The following STK33 variants were observed in gnomAD, a reference collection of about 807,000 sequenced individuals.
The protein encoded by STK33 is serine/threonine-protein kinase 33.
In STK33, 52 loss-of-function variants were observed where a neutral mutation model predicts 58.0. That is an observed-to-expected ratio of 0.90 (90% CI 0.72 to 1.13). STK33 has a LOEUF of 1.13. Among genes scored for constraint, STK33 ranks in the 50% most tolerant of loss-of-function variants. STK33 has a pLI of 0.00. For missense variants in STK33, 630 were observed against 604.2 expected (o/e 1.04, Z -0.45); for synonymous variants, 215 against 200.1 (o/e 1.07, Z -0.63).
chr11:8,513,707 A>G (rs1952525834), intron 1 of STK33, among the ~76,000 whole-genome samples: 1 of 152,110 alleles, frequency 6.6e-6, no homozygotes, highest in Non-Finnish European at 1.5e-5. Context: ...GTAGGTGTAT[A>G]TATTTATGGG....
At chr11:8,356,639 T>C in the STK33 span, among the ~76,000 whole-genome samples, 1 of 152,086 alleles carries the variant, frequency 6.6e-6, no homozygotes, top group Non-Finnish European at 1.5e-5. Flanking sequence ...ATCAGGGACA[T>C]GCCTGGGAGG....
intron 14 of STK33, among the ~76,000 whole-genome samples, chr11:8,418,885 T>C (rs570273923): frequency 3.3e-5 from 5 of 152,296 alleles, no homozygotes; most frequent in African/African-American, 4.8e-5. Context: ...GCTGCATATA[T>C]GCCCCATCTT....
At chr11:8,489,288 G>C (rs865880347) in intron 1 of STK33, among the ~76,000 whole-genome samples, 28 of 127,854 alleles carry the variant, frequency 2.2e-4, no homozygotes, top group African/African-American at 7.3e-4. Context: ...AAAAAAGAAA[G>C]AAAAGAAAAG....
At chr11:8,573,942 T>C (rs9300094) in intron 1 of STK33, among the ~76,000 whole-genome samples, 60,964 of 151,800 alleles carry the variant, frequency 0.4, 12,511 homozygotes, top group South Asian at 0.57. Flanking sequence ...AAGGAAGGAG[T>C]AGACAAGGGA....
intron 14 of STK33, among the ~76,000 whole-genome samples, chr11:8,420,812 C>G (rs1590913291): frequency 6.6e-6 from 1 of 152,168 alleles, no homozygotes; most frequent in East Asian, 1.9e-4. Flanking sequence ...GCCTGGGCAA[C>G]ATAGGGATAC....
At chr11:8,389,176 C>CA (rs1848584858), downstream of STK33, among the ~76,000 whole-genome samples, 1 of 152,252 alleles carries the variant, frequency 6.6e-6, no homozygotes, top group African/African-American at 2.4e-5. Context: ...GTAGCCAGGG[C>CA]AACAGGCTGG....
chr11:8,521,518 A>T lies in STK33; in HGVS notation c.-465-40904T>A, dbSNP rs1953434202. Among the ~76,000 whole-genome samples, 4 of 152,350 alleles carry T rather than the reference A, an allele frequency of 2.6e-5. No individual in the cohort carries two copies. The South Asian group carries it at 8.3e-4, about 32-fold the overall frequency. ...TTAAATGTTAGACCTAAAACCATAA[A>T]AACCCTAGAAGAAAACCTAGCCAAT... On this transcript the variant is annotated intron_variant, in intron 1 of 15. Coordinates refer to ENST00000687296, the MANE Select transcript of STK33 (RefSeq NM_001352389.2).
intron 11 of STK33, among the ~76,000 whole-genome samples, chr11:8,451,609 A>C (rs1467231197): frequency 6.6e-6 from 1 of 152,238 alleles, no homozygotes; most frequent in Non-Finnish European, 1.5e-5. Flanking sequence ...TGGGATAGGA[A>C]TAAGATTGAG....
chr11:8,439,869 T>TATATATATATATA (rs1554930119), intron 12 of STK33, among the ~76,000 whole-genome samples: 3 of 107,258 alleles, frequency 2.8e-5, no homozygotes, highest in South Asian at 7.2e-4. Flanking sequence ...TATATTATAA[T>TATATATATATATA]TATATATATA....
chr11:8,491,508 G>T (rs1950608363), intron 1 of STK33, among the ~76,000 whole-genome samples: 1 of 152,136 alleles, frequency 6.6e-6, no homozygotes, highest in Non-Finnish European at 1.5e-5. Flanking sequence ...GAACCAAGTT[G>T]GAAAACACTC....
the STK33 span, among the ~76,000 whole-genome samples, chr11:8,353,226 C>T: frequency 6.6e-6 from 1 of 152,232 alleles, no homozygotes; most frequent in Non-Finnish European, 1.5e-5. Context: ...GGCTCACACC[C>T]TTCCTGGGTC....
At chr11:8,371,566 G>A in the STK33 span, among the ~76,000 whole-genome samples, 1 of 152,166 alleles carries the variant, frequency 6.6e-6, no homozygotes, top group Non-Finnish European at 1.5e-5. Flanking sequence ...GAAAGCATGG[G>A]AGGAAGGGTT....
intron 11 of STK33, among the ~76,000 whole-genome samples, chr11:8,444,995 C>T (rs1945244976): frequency 6.6e-6 from 1 of 152,176 alleles, no homozygotes; most frequent in Non-Finnish European, 1.5e-5. Flanking sequence ...TGGCGATTTT[C>T]ATGATATTGA....
intron 1 of STK33, among the ~76,000 whole-genome samples, chr11:8,482,455 T>A (rs1240835546): frequency 6.6e-6 from 1 of 152,160 alleles, no homozygotes; most frequent in African/African-American, 2.4e-5. Context: ...ACCTGTGATA[T>A]ACTAAGGACT....
At chr11:8,546,798 T>C (rs1386720591) in intron 1 of STK33, among the ~76,000 whole-genome samples, 1 of 152,248 alleles carries the variant, frequency 6.6e-6, no homozygotes, top group East Asian at 1.9e-4. Context: ...TATTCCGCTG[T>C]GTATATTTAC....
rs560125498 is a variant in STK33, at chr11:8,465,085, T to A, written c.340-263A>T. 3 of 258,324 alleles carry A rather than the reference T, an allele frequency of 1.2e-5. 1 individual carries two copies. Among genetic ancestry groups the A allele is most frequent in the Non-Finnish European group, 2.2e-5 (3 of 137,522 alleles). 16.0% of individuals were successfully genotyped at this position (258,324 alleles called of 1,614,324 possible). Reference sequence around the variant, plus strand: ...TGAAATGTGGAAAAACTCAAAAGTATAAAAATGAATCTCTTTCAAACTATA... The same window carrying A: ...TGAAATGTGGAAAAACTCAAAAGTAAAAAAATGAATCTCTTTCAAACTATA... On this transcript the variant is annotated intron_variant, in intron 6 of 15. Coordinates refer to ENST00000687296, the MANE Select transcript of STK33 (RefSeq NM_001352389.2).
At chr11:8,562,364 T>C (rs945362019) in intron 1 of STK33, among the ~76,000 whole-genome samples, 2 of 152,208 alleles carry the variant, frequency 1.3e-5, no homozygotes, top group African/African-American at 2.4e-5. Flanking sequence ...TCTTTCTCTC[T>C]GTCTCCATTT....
At chr11:8,529,289 G>A (rs777982166) in intron 1 of STK33, among the ~76,000 whole-genome samples, 53 of 152,264 alleles carry the variant, frequency 3.5e-4, no homozygotes, top group Non-Finnish European at 6.3e-4. Flanking sequence ...TACTTCCTGG[G>A]CCAGAGGCAG....
At chr11:8,377,187 C>T in the STK33 span, among the ~76,000 whole-genome samples, 1 of 152,190 alleles carries the variant, frequency 6.6e-6, no homozygotes, top group Non-Finnish European at 1.5e-5. Context: ...TCTCATTAAT[C>T]GAGAGTGACC....
Sources: gnomAD v4.1 joint callset for allele counts (sites outside exome capture counted in the v4.1 genomes callset) on GRCh38, gnomAD v4.1.1 for gene constraint, MANE v1.5 for transcripts, NCBI Gene and HGNC (gene_info 2026-07-23, HGNC 2026-07-21) for gene names.